The following ITIH5 variants were observed in gnomAD, a reference collection of about 807,000 sequenced individuals.
The protein encoded by ITIH5 is inter-alpha-trypsin inhibitor heavy chain 5, also known as inter-alpha-trypsin inhibitor heavy chain H5.
In ITIH5, 65 loss-of-function variants were observed where a neutral mutation model predicts 77.5. The ratio of observed to expected loss-of-function variants is 0.84; its 90% CI spans 0.69 to 1.03. The LOEUF (loss-of-function observed/expected upper bound fraction) is 1.03, where lower values mean the gene tolerates loss of function less well. Among genes scored for constraint, ITIH5 ranks in the 50% least tolerant of loss-of-function variants. The pLI, the probability that ITIH5 is intolerant of heterozygous loss-of-function variation, is 0.00. For synonymous variants in ITIH5, 525 were observed against 494.3 expected (o/e 1.06, Z -0.82); for missense variants, 1,208 against 1,213.1 (o/e 1.00, Z 0.06).
rs1298913026 is a variant in ITIH5, at chr10:7,564,964, CAT to C, written c.2527+1064_2527+1065del. Among the ~76,000 whole-genome samples, 12 of 134,598 alleles carry C rather than the reference CAT, an allele frequency of 8.9e-5. 1 individual carries two copies. Among genetic ancestry groups the C allele is most frequent in the African/African-American group, 3.0e-4 (10 of 32,986 alleles). The allele number at this position is 134,598 out of a possible 152,430, so 88.3% of individuals were successfully genotyped here. A position where few individuals can be genotyped will look rare whatever the true frequency, so the allele number is the denominator to read the frequency against. Reference sequence around the variant, plus strand: ...CATACATACACAGACTGTATACATACATATACATATACACACACGTTCATACA... The same window carrying C: ...CATACATACACAGACTGTATACATACATACATATACACACACGTTCATACA... On this transcript the variant is annotated intron_variant, in intron 13 of 13. Coordinates refer to ENST00000397146, the MANE Select transcript of ITIH5 (RefSeq NM_030569.7).
At chr10:7,569,981 G>A (rs1289327335) in intron 11 of ITIH5, 197 bp from the exon 12 acceptor site, 1 of 493,136 alleles carries the variant, frequency 2.0e-6, no homozygotes, top group Non-Finnish European at 3.6e-6. Flanking sequence ...CAGTGAGTTT[G>A]CAGTAAACAT....
intron 7 of ITIH5, among the ~76,000 whole-genome samples, chr10:7,606,541 G>A (rs896196757): frequency 6.6e-6 from 1 of 152,282 alleles, no homozygotes; most frequent in Middle Eastern, 3.4e-3. Context: ...TTATAAGTGG[G>A]AGCTAAACAT....
Position 7,646,108 on chromosome 10 carries a change from G to A in ITIH5, c.136-4018C>T, listed in dbSNP as rs77950939. Among the ~76,000 whole-genome samples the A allele has an allele frequency of 7.0e-3, 1,068 of 152,098 alleles. 15 individuals are homozygous for A. The highest frequency in any genetic ancestry group is 0.024 in the African/African-American group (995 of 41,482). ...AACTGGTGTATAAGAAATGCCCCAC[G>A]GCTGTGATCTTGTGAATTTGCGAAG... On this transcript the variant is annotated intron_variant, in intron 2 of 13. Coordinates refer to ENST00000397146, the MANE Select transcript of ITIH5 (RefSeq NM_030569.7).
chr10:7,567,685 T>G (rs1386352600), intron 12 of ITIH5, among the ~76,000 whole-genome samples: 1 of 152,168 alleles, frequency 6.6e-6, no homozygotes, highest in African/African-American at 2.4e-5. Flanking sequence ...TTTTGTTTTG[T>G]TTTTGTCCAA....
chr10:7,565,990 T>C, intron 13 of ITIH5, 40 bp downstream of exon 13: 1 of 1,581,596 alleles, frequency 6.3e-7, no homozygotes. Context: ...AATGTAACTC[T>C]GCCCTCTATG....
intron 12 of ITIH5, among the ~76,000 whole-genome samples, chr10:7,568,133 T>C (rs1172479219): frequency 6.6e-6 from 1 of 152,184 alleles, no homozygotes; most frequent in East Asian, 1.9e-4. Context: ...GCACTTGAGA[T>C]GTTTGGGGCT....
intron 7 of ITIH5, among the ~76,000 whole-genome samples, chr10:7,589,834 C>G (rs1832757024): frequency 6.6e-6 from 1 of 152,092 alleles, no homozygotes; most frequent in South Asian, 2.1e-4. Context: ...CAAGTCTATG[C>G]TGTTCCCTCC....
intron 11 of ITIH5, 134 bp downstream of exon 11, chr10:7,573,008 C>T: frequency 4.1e-6 from 3 of 737,386 alleles, no homozygotes; most frequent in South Asian, 1.7e-5. Context: ...GAACTCCTGA[C>T]CTCAAGCAAT....
At chr10:7,624,271 G>T (rs1010793608) in intron 5 of ITIH5, among the ~76,000 whole-genome samples, 16 of 151,878 alleles carry the variant, frequency 1.1e-4, no homozygotes, top group Admixed American at 1.1e-3. Flanking sequence ...ACTTTGGGAG[G>T]CCGAGGTAGG....
In ITIH5 at chr10:7,644,626, C is replaced by CATATATCGCATATATATCAT. The variant is rs1564277748; in HGVS notation, c.136-2537_136-2536insATGATATATATGCGATATAT. On this transcript the variant is annotated intron_variant, in intron 2 of 13. Coordinates refer to ENST00000397146, the MANE Select transcript of ITIH5 (RefSeq NM_030569.7). ...TATCACATATATCACATATATATCACATATATCACATATATATCATATATA... is the reference window on the plus strand; with the variant it reads ...TATCACATATATCACATATATATCACATATATCGCATATATATCATATATATCACATATATATCATATATA... 7.5e-3 allele frequency among the ~76,000 whole-genome samples: 736 copies of CATATATCGCATATATATCAT among 98,400 alleles called. 22 individuals are homozygous for CATATATCGCATATATATCAT. The highest frequency in any genetic ancestry group is 0.031 in the African/African-American group (697 of 22,568). The allele number at this position is 98,400 out of a possible 152,430, so 64.6% of individuals were successfully genotyped here. A position where few individuals can be genotyped will look rare whatever the true frequency, so the allele number is the denominator to read the frequency against.
chr10:7,648,835 T>C (rs1216054013), intron 2 of ITIH5, among the ~76,000 whole-genome samples: 3 of 152,256 alleles, frequency 2.0e-5, no homozygotes, highest in East Asian at 1.9e-4. Flanking sequence ...ATTAAGTGTA[T>C]AGATTTAGTA....
chr10:7,624,176 C>G (rs1833519353), intron 5 of ITIH5, among the ~76,000 whole-genome samples: 1 of 152,166 alleles, frequency 6.6e-6, no homozygotes. Flanking sequence ...AACTACCTCA[C>G]CCAGCAAGCA....
At chr10:7,598,456 GA>G in intron 7 of ITIH5, among the ~76,000 whole-genome samples, 1 of 152,242 alleles carries the variant, frequency 6.6e-6, no homozygotes, top group African/African-American at 2.4e-5. Context: ...AGTAAATGTA[GA>G]AAACATTTTT....
chr10:7,608,019 C>T lies in ITIH5; in HGVS notation c.939+7963G>A, dbSNP rs1219133317. Among the ~76,000 whole-genome samples the T allele has an allele frequency of 5.3e-5, 8 of 152,328 alleles. No individual in the cohort carries two copies. The South Asian group carries it at 1.5e-3, about 28-fold the overall frequency. On this transcript the variant is annotated intron_variant, in intron 7 of 13. Transcript: ENST00000397146. ...GAACAGGCAAAGCAGGTGGACCCGA[C>T]GCTCTCTGTTGTCGATTTTTATTTG... is the stretch of plus-strand genomic sequence containing the variant.
chr10:7,650,439 A>G (rs1834079063), intron 2 of ITIH5, among the ~76,000 whole-genome samples: 1 of 152,164 alleles, frequency 6.6e-6, no homozygotes, highest in Non-Finnish European at 1.5e-5. Flanking sequence ...CTCCTTTCTG[A>G]GAAAAACAAT....
intron 5 of ITIH5, among the ~76,000 whole-genome samples, chr10:7,635,305 ACAT>A (rs1366035508): frequency 6.6e-6 from 1 of 152,208 alleles, no homozygotes; most frequent in Non-Finnish European, 1.5e-5. Flanking sequence ...CCAACCCTTT[ACAT>A]ACATGAGCAC....
chr10:7,618,876 A>C (rs959057297), intron 5 of ITIH5: 3 of 152,268 alleles, frequency 2.0e-5, no homozygotes, highest in African/African-American at 7.2e-5. Flanking sequence ...ATTATTTTTC[A>C]GAGACAATTT....
intron 10 of ITIH5, among the ~76,000 whole-genome samples, chr10:7,573,651 G>A (rs1242585019): frequency 7.0e-6 from 1 of 143,150 alleles, no homozygotes; most frequent in Non-Finnish European, 1.5e-5. Flanking sequence ...ACTCCAGCCT[G>A]GTTAACAGAG....
rs1392137539 is a variant in ITIH5 at position 7,576,972 on chromosome 10, G to A, written c.1459C>T (p.Arg487Cys). 35 of 1,613,714 alleles carry A rather than the reference G, an allele frequency of 2.2e-5. No homozygotes were observed. The highest frequency in any genetic ancestry group is 5.3e-5 in the African/African-American group (4 of 74,904). ...ACTGAGCTGGGGGGATAATCGATGC[G>A]GATGTCAGAGAGGAGCGGGGTCCTG... ...EIRTPLLSDI[R>C]IDYPPSSVVQ... Residue 487 changes from arginine (R) to cysteine (C), a missense_variant, in exon 10 of 14, where the codon CGC becomes TGC. Coordinates refer to ENST00000397146, the MANE Select transcript of ITIH5 (RefSeq NM_030569.7).
Sources: gnomAD v4.1 joint callset for allele counts (sites outside exome capture counted in the v4.1 genomes callset) on GRCh38, gnomAD v4.1.1 for gene constraint, MANE v1.5 for transcripts, NCBI Gene and HGNC (gene_info 2026-07-23, HGNC 2026-07-21) for gene names.